Variants in PTPRD observed in about 807,000 individuals in gnomAD.
PTPRD encodes receptor-type tyrosine-protein phosphatase delta.
Under a neutral mutation model 214.5 loss-of-function variants are expected in PTPRD, and 34 were observed. The observed-to-expected ratio is 0.16, with a 90% CI of 0.12 to 0.21. The LOEUF (loss-of-function observed/expected upper bound fraction) is 0.21, where lower values mean the gene tolerates loss of function less well. Among genes scored for constraint, PTPRD ranks in the 10% least tolerant of loss-of-function variants. The probability of loss-of-function intolerance (pLI) is 1.00; values close to 1 mark genes in which losing one functional copy is unlikely to be tolerated. For synonymous variants in PTPRD, 1,128 were observed against 845.7 expected (o/e 1.33, Z -5.79); for missense variants, 2,545 against 2,398.7 (o/e 1.06, Z -1.27).
At chr9:10,463,766 T>A (rs1057367841) in intron 2 of PTPRD, among the ~76,000 whole-genome samples, 1 of 151,828 alleles carries the variant, frequency 6.6e-6, no homozygotes, top group African/African-American at 2.4e-5. Flanking sequence ...AGAGGTGTGA[T>A]CCAAGAAAAA....
intron 5 of PTPRD, among the ~76,000 whole-genome samples, chr9:9,838,616 GC>G (rs1271549979): frequency 2.6e-5 from 4 of 152,118 alleles, no homozygotes; most frequent in Non-Finnish European, 4.4e-5. Context: ...TAATTGGGTT[GC>G]TTTTTTCTTG....
intron 3 of PTPRD, among the ~76,000 whole-genome samples, chr9:10,202,567 CTA>C (rs35839517): frequency 0.18 from 26,902 of 149,492 alleles, 3,506 homozygotes; most frequent in African/African-American, 0.37. Context: ...TCAAATTATC[CTA>C]TGTTTCATGA....
chr9:8,369,404 A>G (rs2080871665), intron 39 of PTPRD, among the ~76,000 whole-genome samples: 1 of 151,954 alleles, frequency 6.6e-6, no homozygotes, highest in Non-Finnish European at 1.5e-5. Flanking sequence ...ATGCAAAGTC[A>G]AAAAGTATTA....
intron 7 of PTPRD, among the ~76,000 whole-genome samples, chr9:9,726,945 C>T: frequency 6.6e-6 from 1 of 151,898 alleles, no homozygotes; most frequent in East Asian, 1.9e-4. Flanking sequence ...AAAGTATGTA[C>T]AATAACAAAC....
intron 11 of PTPRD, among the ~76,000 whole-genome samples, chr9:8,783,197 C>T (rs1189545442): frequency 6.6e-6 from 1 of 151,740 alleles, no homozygotes; most frequent in Non-Finnish European, 1.5e-5. Flanking sequence ...AAAGTCAGAA[C>T]AAAAAAAGTT....
At chr9:8,483,898 T>C (rs1267495214) in intron 30 of PTPRD, among the ~76,000 whole-genome samples, 2 of 152,364 alleles carry the variant, frequency 1.3e-5, no homozygotes, top group East Asian at 3.9e-4. Context: ...GTCCCTGCAA[T>C]ACAGATTAAA....
intron 10 of PTPRD, among the ~76,000 whole-genome samples, chr9:9,120,031 T>C (rs1473595497): frequency 6.6e-6 from 1 of 152,188 alleles, no homozygotes; most frequent in East Asian, 1.9e-4. Context: ...CATACCATTT[T>C]CTAAACTGTG....
chr9:8,887,147 C>G (rs1299072655), intron 11 of PTPRD, among the ~76,000 whole-genome samples: 1 of 152,110 alleles, frequency 6.6e-6, no homozygotes, highest in African/African-American at 2.4e-5. Context: ...ACATATAAGG[C>G]AAAAGTGGCT....
chr9:9,840,328 C>G (rs920524116), intron 5 of PTPRD, among the ~76,000 whole-genome samples: 2 of 152,052 alleles, frequency 1.3e-5, no homozygotes, highest in African/African-American at 4.8e-5. Context: ...TAGTATATTA[C>G]TTTTAAATTT....
intron 3 of PTPRD, among the ~76,000 whole-genome samples, chr9:10,152,542 C>G (rs2099067613): frequency 6.6e-6 from 1 of 151,918 alleles, no homozygotes; most frequent in African/African-American, 2.4e-5. Context: ...AGAAGGAAAT[C>G]AGGCCAGGTG....
At position 9,753,309 on chromosome 9, in the gene PTPRD, C is replaced by T. The variant is rs113245923; in HGVS notation, c.-326+13501G>A. 2.4e-3 allele frequency among the ~76,000 whole-genome samples: 370 copies of T among 152,026 alleles called. 3 individuals are homozygous for T. Among genetic ancestry groups the T allele is most frequent in the African/African-American group, 8.5e-3 (353 of 41,500 alleles). On this transcript the variant is annotated intron_variant, in intron 6 of 45. Coordinates refer to ENST00000381196, the MANE Select transcript of PTPRD (RefSeq NM_002839.4). The stretch of plus-strand genomic sequence containing the variant: ...CAAAAAACACTCAATAACACCAATA[C>T]AGGGACCCCTCTGGACAACATATCA...
At chr9:8,680,130 T>G (rs1266480519) in intron 12 of PTPRD, among the ~76,000 whole-genome samples, 2 of 152,004 alleles carry the variant, frequency 1.3e-5, no homozygotes, top group Admixed American at 1.3e-4. Flanking sequence ...TTTGAATAAT[T>G]TATATTATCT....
intron 11 of PTPRD, among the ~76,000 whole-genome samples, chr9:8,774,257 CTTTT>C (rs5896255): frequency 0.64 from 96,463 of 151,482 alleles, 31,221 homozygotes; most frequent in Middle Eastern, 0.72. Flanking sequence ...GTCCGGATAT[CTTTT>C]TTAGGTAGCA....
At chr9:9,134,954 C>T (rs2099848645) in intron 10 of PTPRD, among the ~76,000 whole-genome samples, 1 of 152,080 alleles carries the variant, frequency 6.6e-6, no homozygotes, top group South Asian at 2.1e-4. Context: ...AGGTAAGGAA[C>T]GTTTCCACAA....
At chr9:10,396,269 T>C (rs1303729387) in intron 2 of PTPRD, among the ~76,000 whole-genome samples, 1 of 151,976 alleles carries the variant, frequency 6.6e-6, no homozygotes, top group East Asian at 1.9e-4. Flanking sequence ...GCAAGTTTAT[T>C]TTACTTTCCC....
intron 5 of PTPRD, among the ~76,000 whole-genome samples, chr9:9,865,651 G>C (rs1344205386): frequency 6.6e-6 from 1 of 152,076 alleles, no homozygotes; most frequent in East Asian, 1.9e-4. Context: ...ACAATAATGG[G>C]AGAAATAAGA....
intron 34 of PTPRD, among the ~76,000 whole-genome samples, chr9:8,448,618 A>AT (rs900773062): frequency 6.6e-6 from 1 of 152,128 alleles, no homozygotes; most frequent in African/African-American, 2.4e-5. Context: ...ATGAGTTAGA[A>AT]TTTTTTTTAA....
At chr9:9,233,982 C>T (rs1460749371) in intron 9 of PTPRD, among the ~76,000 whole-genome samples, 2 of 152,220 alleles carry the variant, frequency 1.3e-5, no homozygotes, top group African/African-American at 2.4e-5. Context: ...GATGATGGCC[C>T]TTTTTTTCAA....
intron 3 of PTPRD, among the ~76,000 whole-genome samples, chr9:10,299,059 G>A (rs1019748976): frequency 6.6e-5 from 10 of 152,050 alleles, no homozygotes; most frequent in African/African-American, 2.2e-4. Context: ...TAGAGTGTCT[G>A]ATAATGTAGT....
Sources: gnomAD v4.1 joint callset for allele counts (sites outside exome capture counted in the v4.1 genomes callset) on GRCh38, gnomAD v4.1.1 for gene constraint, MANE v1.5 for transcripts, NCBI Gene and HGNC (gene_info 2026-07-23, HGNC 2026-07-21) for gene names.